The following TRIM2 variants were observed in gnomAD, a reference collection of about 807,000 sequenced individuals.
TRIM2 encodes tripartite motif-containing protein 2.
A neutral mutation model predicts 75.2 loss-of-function variants in TRIM2; 20 were observed. The ratio of observed to expected loss-of-function variants is 0.27; its 90% CI spans 0.19 to 0.39. TRIM2 has a LOEUF of 0.39. Ranked by LOEUF, TRIM2 falls within the 10% of genes least tolerant of loss-of-function variation. The probability of loss-of-function intolerance (pLI) is 1.00; values close to 1 mark genes in which losing one functional copy is unlikely to be tolerated. For missense variants in TRIM2, 660 were observed against 990.8 expected, an observed-to-expected ratio of 0.67 and a Z score of 4.48; for synonymous variants, 373 against 388.3, an observed-to-expected ratio of 0.96 and a Z score of 0.46.
rs372095073 is a variant in TRIM2 at position 153,275,996 on chromosome 4, A to C, written c.319A>C (p.Asn107His). The change falls in exon 3 of 12, where the codon AAT becomes CAT. Residue 107 changes from asparagine to histidine, a missense_variant. By Grantham distance (68) the Asn-to-His change is moderately conservative. This residue lies in a region of TRIM2 where 620 missense variants were observed against 891.0 expected (regional missense o/e 0.70). Coordinates refer to ENST00000338700, the MANE Select transcript of TRIM2 (RefSeq NM_015271.5). The part of the protein sequence containing the change: ...PEKGVAALQN[N>H]FFITNLMDVL... The stretch of plus-strand genomic sequence containing the variant: ...GAAAGGGGTGGCCGCGCTCCAGAAC[A>C]ATTTCTTCATCACAAACCTGATGGA... The C allele has an allele frequency of 6.2e-7, 1 of 1,614,018 alleles. No homozygotes were observed. Among genetic ancestry groups the C allele is most frequent in the Non-Finnish European group, 8.5e-7 (1 of 1,180,042 alleles).
upstream of TRIM2, among the ~76,000 whole-genome samples, chr4:153,200,335 A>G (rs1303498341): frequency 6.6e-6 from 1 of 152,134 alleles, no homozygotes; most frequent in East Asian, 1.9e-4. Context: ...ACTTAGCATA[A>G]TGTTTTAGGG....
chr4:153,257,537 G>A (rs1752361653), intron 1 of TRIM2: 6 of 1,289,456 alleles, frequency 4.7e-6, no homozygotes, highest in South Asian at 1.2e-5. Context: ...CCTCTGTTCT[G>A]TGCATGAACT....
chr4:153,222,478 T>C (rs1366559616), intron 1 of TRIM2: 3 of 152,188 alleles, frequency 2.0e-5, no homozygotes, highest in Non-Finnish European at 1.5e-5. Flanking sequence ...CCTTTAGTCA[T>C]CGCACAGGGA....
intron 1 of TRIM2, among the ~76,000 whole-genome samples, chr4:153,252,563 G>A (rs543493333): frequency 6.6e-6 from 1 of 152,326 alleles, no homozygotes; most frequent in Admixed American, 6.5e-5. Context: ...CCAGGCTGGA[G>A]TGCAGTGGCA....
chr4:153,200,715 A>AG (rs1734247222), upstream of TRIM2, among the ~76,000 whole-genome samples: 1 of 104,632 alleles, frequency 9.6e-6, no homozygotes, highest in Admixed American at 9.0e-5. Context: ...CTTTTTAGTA[A>AG]GAAAAAAAAA....
At chr4:153,213,147 C>G (rs1292076801) in intron 1 of TRIM2, among the ~76,000 whole-genome samples, 1 of 152,176 alleles carries the variant, frequency 6.6e-6, no homozygotes, top group Non-Finnish European at 1.5e-5. Flanking sequence ...CCCACTATTA[C>G]TGTTCTTCTC....
Position 153,318,831 on chromosome 4 carries a change from C to T in TRIM2, c.1782+2832C>T, listed in dbSNP as rs7686571. On this transcript the variant is annotated intron_variant, in intron 8 of 11. Coordinates refer to ENST00000338700, the MANE Select transcript of TRIM2 (RefSeq NM_015271.5). ...TCTGTAATAGACACTCTTAGAAGAACTGGGTTCTTAGAGTTGGAATATTAA... is the reference window on the plus strand; with the variant it reads ...TCTGTAATAGACACTCTTAGAAGAATTGGGTTCTTAGAGTTGGAATATTAA... 5.3e-3 allele frequency among the ~76,000 whole-genome samples: 810 copies of T among 152,248 alleles called. 10 individuals carry two copies. The highest frequency in any genetic ancestry group is 0.019 in the African/African-American group (774 of 41,526).
rs76748626 is a variant in TRIM2, at chr4:153,171,068, T to C, written c.-49+17798T>C. Among the ~76,000 whole-genome samples the C allele has an allele frequency of 8.0e-4, 122 of 152,288 alleles. No homozygotes were observed. In the East Asian group the frequency reaches 0.022, roughly 28 times the overall value. On this transcript the variant is annotated intron_variant, in intron 1 of 11. Coordinates refer to the TRIM2 transcript ENST00000437508. ...CCTTCCCTTTTTTAGTAAGGATGGG[T>C]TGCTAGCCTTAGGACCGAGGCTGTG...
intron 1 of TRIM2, among the ~76,000 whole-genome samples, chr4:153,194,888 C>A (rs1282029961): frequency 6.6e-6 from 1 of 152,168 alleles, no homozygotes; most frequent in Admixed American, 6.5e-5. Flanking sequence ...TTTCTGTCTC[C>A]CTTGCCTGTG....
chr4:153,317,376 G>A (rs1188846268), intron 8 of TRIM2, among the ~76,000 whole-genome samples: 7 of 151,526 alleles, frequency 4.6e-5, no homozygotes, highest in African/African-American at 1.5e-4. Context: ...TTGGCCAGGC[G>A]CAGTGGCTCA....
rs138509793 is a variant in TRIM2, at chr4:153,307,838, T to G, written c.1511-7647T>G. ...AATAGTACAGGGACTTGCTATACTT[T>G]CTCTTGAATTCAGACCTAATTTTCA... On this transcript the variant is annotated intron_variant, in intron 6 of 11. Transcript: ENST00000338700. The G allele has an allele frequency of 1.4e-5, 10 of 732,170 alleles. No individual in the cohort carries two copies. The African/African-American group carries it at 1.4e-4, about 10-fold the overall frequency. 45.4% of individuals were successfully genotyped at this position (732,170 alleles called of 1,614,324 possible). A position where few individuals can be genotyped will look rare whatever the true frequency, so the allele number is the denominator to read the frequency against.
upstream of TRIM2, among the ~76,000 whole-genome samples, chr4:153,202,915 G>A (rs1355652420): frequency 6.6e-6 from 1 of 151,554 alleles, no homozygotes; most frequent in African/African-American, 2.4e-5. Flanking sequence ...GACCAGCCTG[G>A]CCAACATGAT....
chr4:153,170,954 C>A (rs778921064), intron 1 of TRIM2, among the ~76,000 whole-genome samples: 1 of 152,222 alleles, frequency 6.6e-6, no homozygotes, highest in African/African-American at 2.4e-5. Flanking sequence ...ACTTTACACT[C>A]ATAACTACCA....
intron 8 of TRIM2, 25 bp from the exon 9 acceptor site, chr4:153,322,623 C>G (rs1769269021): frequency 6.2e-7 from 1 of 1,610,120 alleles, no homozygotes; most frequent in Admixed American, 1.7e-5. Context: ...TACTGTACTT[C>G]TATTTCTGTA....
chr4:153,272,496 A>G (rs1435414964), intron 2 of TRIM2, among the ~76,000 whole-genome samples: 1 of 150,182 alleles, frequency 6.7e-6, no homozygotes, highest in African/African-American at 2.5e-5. Flanking sequence ...TTATTAATTT[A>G]TTTATTTTGA....
chr4:153,249,976 A>G (rs1302467234), intron 1 of TRIM2, among the ~76,000 whole-genome samples: 1 of 152,208 alleles, frequency 6.6e-6, no homozygotes, highest in African/African-American at 2.4e-5. Flanking sequence ...GGGCGAAACA[A>G]AAGAGCTTTG....
chr4:153,191,670 T>C (rs1033042357), intron 1 of TRIM2, among the ~76,000 whole-genome samples: 1 of 152,226 alleles, frequency 6.6e-6, no homozygotes, highest in East Asian at 1.9e-4. Flanking sequence ...TTTTAAACAG[T>C]AGATTTCCTT....
chr4:153,189,021 A>G (rs1280080870), intron 1 of TRIM2, among the ~76,000 whole-genome samples: 2 of 152,216 alleles, frequency 1.3e-5, no homozygotes, highest in East Asian at 3.9e-4. Flanking sequence ...TAAAAAAAAA[A>G]ACAATTAATT....
intron 1 of TRIM2, among the ~76,000 whole-genome samples, chr4:153,259,257 C>A (rs187854489): frequency 6.6e-6 from 1 of 152,048 alleles, no homozygotes; most frequent in Admixed American, 6.5e-5. Flanking sequence ...TTTATTATAA[C>A]AAAAGCTTCA....
Sources: gnomAD v4.1 joint callset for allele counts (sites outside exome capture counted in the v4.1 genomes callset) on GRCh38, gnomAD v4.1.1 for gene constraint, gnomAD v4.1.1 regional missense constraint, MANE v1.5 for transcripts, NCBI Gene and HGNC (gene_info 2026-07-23, HGNC 2026-07-21) for gene names.